Variants in POT1 observed in about 807,000 individuals in gnomAD.
The protein encoded by POT1 is protection of telomeres 1.
In POT1, 47 loss-of-function variants were observed where a neutral mutation model predicts 78.5. The observed-to-expected ratio is 0.60, with a 90% CI of 0.47 to 0.76. The LOEUF is 0.76. Ranked by LOEUF, POT1 falls within the 30% of genes least tolerant of loss-of-function variation. POT1 has a pLI of 0.00. For synonymous variants in POT1, 259 were observed against 260.7 expected, an observed-to-expected ratio of 0.99 and a Z score of 0.06; for missense variants, 646 against 749.9, an observed-to-expected ratio of 0.86 and a Z score of 1.62.
rs968910891 is a variant in POT1, at chr7:124,859,215, C to T, written c.547-103G>A. 9 of 752,516 alleles carry T rather than the reference C, an allele frequency of 1.2e-5. No homozygotes were observed. In the African/African-American group the frequency reaches 1.3e-4, roughly 11 times the overall value. 46.6% of individuals were successfully genotyped at this position (752,516 alleles called of 1,614,324 possible). A position where few individuals can be genotyped will look rare whatever the true frequency, so the allele number is the denominator to read the frequency against. On this transcript the variant is annotated intron_variant, in intron 8 of 18. Transcript: ENST00000357628. ...TATTTAAAAGTAATTAAACTTATGC[C>T]TCTGAATATTGGCACTATTTTAAAT...
intron 5 of POT1, among the ~76,000 whole-genome samples, chr7:124,893,690 T>C (rs942111223): frequency 6.6e-6 from 1 of 151,584 alleles, no homozygotes; most frequent in African/African-American, 2.4e-5. Flanking sequence ...AATTTGCACA[T>C]GCAACCCATG....
chr7:124,854,415 G>T (rs187503094), intron 9 of POT1, among the ~76,000 whole-genome samples: 1 of 151,654 alleles, frequency 6.6e-6, no homozygotes, highest in African/African-American at 2.4e-5. Context: ...AGATTATGGA[G>T]GCTCAATCCT....
intron 2 of POT1, among the ~76,000 whole-genome samples, chr7:124,923,491 A>G (rs1320137564): frequency 2.0e-5 from 3 of 151,912 alleles, no homozygotes; most frequent in Non-Finnish European, 4.4e-5. Context: ...AGGAAAAAGC[A>G]TAAAAAGGAA....
intron 6 of POT1, among the ~76,000 whole-genome samples, chr7:124,884,596 G>C (rs1169403085): frequency 1.4e-5 from 2 of 148,146 alleles, no homozygotes; most frequent in Non-Finnish European, 3.0e-5. Context: ...AAAAGGATGA[G>C]AGATCTCTAG....
intron 15 of POT1, among the ~76,000 whole-genome samples, chr7:124,834,101 A>G (rs1001288181): frequency 6.6e-6 from 1 of 152,204 alleles, no homozygotes; most frequent in Non-Finnish European, 1.5e-5. Flanking sequence ...TACAAAAATC[A>G]ACTCAAGATG....
At chr7:124,897,266 T>C in intron 4 of POT1, 54 bp from the exon 5 acceptor site, 1 of 689,040 alleles carries the variant, frequency 1.5e-6, no homozygotes. Flanking sequence ...CCAATGTGAT[T>C]ACATGCTTTT....
intron 6 of POT1, among the ~76,000 whole-genome samples, chr7:124,877,006 G>A (rs973952574): frequency 2.6e-5 from 4 of 152,152 alleles, no homozygotes; most frequent in African/African-American, 9.7e-5. Context: ...ACATTTACTA[G>A]AAATGAAGAT....
intron 6 of POT1, among the ~76,000 whole-genome samples, chr7:124,890,694 T>C (rs1469150610): frequency 1.3e-5 from 2 of 151,870 alleles, no homozygotes. Context: ...ATCCTTAGCA[T>C]TTTTTAGCAA....
intron 17 of POT1, 69 bp from the exon 18 acceptor site, chr7:124,825,426 C>T (rs531368820): frequency 2.1e-6 from 2 of 933,180 alleles, no homozygotes; most frequent in African/African-American, 1.7e-5. Context: ...ATTATTAACA[C>T]ATATTTCAAT....
chr7:124,856,131 A>AT (rs1192161790), intron 9 of POT1, among the ~76,000 whole-genome samples: 3 of 152,082 alleles, frequency 2.0e-5, no homozygotes, highest in South Asian at 2.1e-4. Flanking sequence ...ATAAAAACAC[A>AT]TTTTTTCCTG....
chr7:124,884,013 G>A (rs1220920900), intron 6 of POT1, among the ~76,000 whole-genome samples: 2 of 151,644 alleles, frequency 1.3e-5, no homozygotes, highest in East Asian at 3.9e-4. Context: ...TGTCAATTCC[G>A]GATATGTGGA....
intron 3 of POT1, among the ~76,000 whole-genome samples, chr7:124,914,690 G>A (rs1796975584): frequency 6.6e-6 from 1 of 152,128 alleles, no homozygotes; most frequent in Non-Finnish European, 1.5e-5. Context: ...TATTTAGATA[G>A]CATGGACATT....
intron 6 of POT1, among the ~76,000 whole-genome samples, chr7:124,877,104 A>C (rs1584781637): frequency 2.0e-5 from 3 of 152,184 alleles, no homozygotes; most frequent in African/African-American, 7.2e-5. Context: ...GGGAACACCA[A>C]ATATTTTTTA....
chr7:124,897,043 G>A (rs913704742), intron 5 of POT1, 122 bp downstream of exon 5: 4 of 496,560 alleles, frequency 8.1e-6, no homozygotes, highest in Non-Finnish European at 1.4e-5. Context: ...TTTTTCCAGT[G>A]TATTGATAAT....
At chr7:124,850,915 AAAAC>A (rs1367825921) in intron 11 of POT1, among the ~76,000 whole-genome samples, 4 of 151,428 alleles carry the variant, frequency 2.6e-5, no homozygotes, top group Admixed American at 6.6e-5. Context: ...GAAAAAAAAA[AAAAC>A]AACAACAACA....
At chr7:124,835,439 T>A in intron 14 of POT1, 25 bp from the exon 15 acceptor site, 1 of 1,605,070 alleles carries the variant, frequency 6.2e-7, no homozygotes, top group South Asian at 1.1e-5. Context: ...AATAAATCCT[T>A]CAAGTAGTGC....
intron 7 of POT1, among the ~76,000 whole-genome samples, chr7:124,865,189 T>A (rs1795690693): frequency 2.0e-5 from 3 of 152,280 alleles, no homozygotes; most frequent in Non-Finnish European, 4.4e-5. Context: ...GGTATCATTG[T>A]TCTCCAACAA....
intron 15 of POT1, among the ~76,000 whole-genome samples, chr7:124,832,016 A>AT (rs1435386582): frequency 2.5e-4 from 38 of 150,572 alleles, no homozygotes; most frequent in Middle Eastern, 3.4e-3. Context: ...AAAAAAAAAA[A>AT]AAAAAAGTTT....
intron 7 of POT1, among the ~76,000 whole-genome samples, chr7:124,867,381 C>A (rs1268329268): frequency 6.6e-6 from 1 of 151,982 alleles, no homozygotes; most frequent in East Asian, 1.9e-4. Context: ...CTCATTATAC[C>A]TAGAGTAAAA....
Sources: gnomAD v4.1 joint callset for allele counts (sites outside exome capture counted in the v4.1 genomes callset) on GRCh38, gnomAD v4.1.1 for gene constraint, MANE v1.5 for transcripts, NCBI Gene and HGNC (gene_info 2026-07-23, HGNC 2026-07-21) for gene names.